Variants in SYT11 observed in about 807,000 individuals in gnomAD.
SYT11 encodes synaptotagmin-11.
SYT11 carries 12 observed loss-of-function variants against 30.4 expected under a neutral mutation model. The observed-to-expected ratio is 0.39, with a 90% CI of 0.25 to 0.64. The LOEUF (loss-of-function observed/expected upper bound fraction) is 0.64, where lower values mean the gene tolerates loss of function less well. SYT11 is among the 30% of genes least tolerant of loss of function. The pLI, the probability that SYT11 is intolerant of heterozygous loss-of-function variation, is 0.45. For synonymous variants in SYT11, 204 were observed against 216.0 expected, an observed-to-expected ratio of 0.94 and a Z score of 0.49; for missense variants, 412 against 552.0, an observed-to-expected ratio of 0.75 and a Z score of 2.54.
chr1:155,871,863 A>G (rs972181673), intron 2 of SYT11, among the ~76,000 whole-genome samples: 1 of 152,018 alleles, frequency 6.6e-6, no homozygotes, highest in African/African-American at 2.4e-5. Flanking sequence ...TCACTCATCC[A>G]CTAGGTTCCC....
chr1:155,876,232 TC>T (rs1672856151), intron 2 of SYT11, among the ~76,000 whole-genome samples: 2 of 114,622 alleles, frequency 1.7e-5, no homozygotes, highest in African/African-American at 6.0e-5. Flanking sequence ...AAAACTCACC[TC>T]CCTTTTTTTT....
chr1:155,865,628 C>CAA (rs1245542156), intron 1 of SYT11, among the ~76,000 whole-genome samples: 4 of 105,452 alleles, frequency 3.8e-5, no homozygotes, highest in Admixed American at 2.0e-4. Flanking sequence ...AACTCTGTCT[C>CAA]AAAAAAAAAA....
chr1:155,867,926 G>A (rs1229289448), intron 1 of SYT11, 39 bp from the exon 2 acceptor site: 1 of 1,509,134 alleles, frequency 6.6e-7, no homozygotes, highest in African/African-American at 1.4e-5. Context: ...AGGAGGTGAA[G>A]TCCACCCGCC....
chr1:155,876,235 C>CTTTTTTTT (rs67952920), intron 2 of SYT11, among the ~76,000 whole-genome samples: 126 of 96,118 alleles, frequency 1.3e-3, no homozygotes, highest in South Asian at 2.5e-3. Flanking sequence ...ACTCACCTCC[C>CTTTTTTTT]TTTTTTTTTT....
intron 1 of SYT11, among the ~76,000 whole-genome samples, chr1:155,863,917 CA>C (rs527788871): frequency 1.9e-3 from 250 of 133,546 alleles, no homozygotes; most frequent in Middle Eastern, 8.1e-3. Context: ...GACTCCATCT[CA>C]AAAAAAAAAA....
chr1:155,881,379 G>T lies in SYT11; in HGVS notation c.1167G>T (p.Lys389Asn). 6.2e-7 allele frequency: 1 copy of T among 1,614,136 alleles called. No homozygotes were observed. The highest frequency in any genetic ancestry group is 8.5e-7 in the Non-Finnish European group (1 of 1,180,036). ...TTATCGACTTCGATCGCACCACCAAGAATGAGGTGGTGGGGAGGCTGATCC... is the reference window on the plus strand; with the variant it reads ...TTATCGACTTCGATCGCACCACCAATAATGAGGTGGTGGGGAGGCTGATCC... ...FLVIDFDRTT[K>N]NEVVGRLILG... Residue 389 changes from lysine (K) to asparagine (N), a missense_variant, in exon 4 of 4, where the codon AAG (lysine) becomes AAT (asparagine). By Grantham distance (94) the Lys-to-Asn change is moderately conservative. Coordinates refer to ENST00000368324, the MANE Select transcript of SYT11 (RefSeq NM_152280.5).
chr1:155,884,465 A>G lies in SYT11; in HGVS notation c.*2957A>G, dbSNP rs771288836. On this transcript the variant is annotated 3_prime_UTR_variant, in exon 4 of 4. Transcript: ENST00000368324. Reference sequence around the variant, plus strand: ...GTGCAGGGCTCCTCCCTCCTACCTCAGGCCTGATCCATCGTGCCCTTGACT... The same window carrying G: ...GTGCAGGGCTCCTCCCTCCTACCTCGGGCCTGATCCATCGTGCCCTTGACT... The G allele has an allele frequency of 2.1e-4, 32 of 152,972 alleles. No individual in the cohort carries two copies. The highest frequency in any genetic ancestry group is 4.0e-4 in the Non-Finnish European group (27 of 68,078). 9.5% of individuals were successfully genotyped at this position (152,972 alleles called of 1,614,324 possible). A position where few individuals can be genotyped will look rare whatever the true frequency, so the allele number is the denominator to read the frequency against.
At chr1:155,865,778 A>G (rs1672662876) in intron 1 of SYT11, among the ~76,000 whole-genome samples, 1 of 151,884 alleles carries the variant, frequency 6.6e-6, no homozygotes. Context: ...CCTGGGCTCA[A>G]GTGATCCTCT....
At chr1:155,873,023 G>A (rs1672803635) in intron 2 of SYT11, among the ~76,000 whole-genome samples, 1 of 152,190 alleles carries the variant, frequency 6.6e-6, no homozygotes, top group African/African-American at 2.4e-5. Flanking sequence ...TGATTAGGAA[G>A]ATTTTCCTAG....
At chr1:155,880,400 C>T (rs1672941013) in intron 2 of SYT11, 100 bp from the exon 3 acceptor site, 1 of 1,450,448 alleles carries the variant, frequency 6.9e-7, no homozygotes, top group Non-Finnish European at 9.3e-7. Flanking sequence ...ATCATCCCTG[C>T]ACTTGTCCTC....
rs770682964 is a variant in SYT11, at chr1:155,868,488, G to A, written c.558G>A (p.Val186=). The change falls in exon 2 of 4, where the codon GTG becomes GTA. Residue 186 remains valine (V), a synonymous_variant. Coordinates refer to ENST00000368324, the MANE Select transcript of SYT11 (RefSeq NM_152280.5). This position sits in a 1 kb window ranked among gnomAD's most constrained non-coding sequence, Gnocchi z 4.7. The part of the protein sequence containing the change: ...VTIQEAHGLP[V]MDDQTQGSDP... ...TCCAGGAGGCCCATGGGCTGCCAGTGATGGATGACCAGACCCAGGGATCTG... is the reference window on the plus strand; with the variant it reads ...TCCAGGAGGCCCATGGGCTGCCAGTAATGGATGACCAGACCCAGGGATCTG... 4.3e-6 allele frequency: 7 copies of A among 1,614,176 alleles called. No individual in the cohort carries two copies. The Admixed American group carries it at 1.0e-4, about 23-fold the overall frequency.
At chr1:155,879,739 T>C (rs1056968812) in intron 2 of SYT11, among the ~76,000 whole-genome samples, 1 of 152,218 alleles carries the variant, frequency 6.6e-6, no homozygotes, top group African/African-American at 2.4e-5. Flanking sequence ...AGGATGCACT[T>C]CTATAGTGCG....
chr1:155,880,388 T>C (rs1417073535), intron 2 of SYT11, 112 bp from the exon 3 acceptor site: 6 of 1,325,138 alleles, frequency 4.5e-6, no homozygotes, highest in Non-Finnish European at 6.1e-6. Context: ...TCCAAAAAAC[T>C]TATCATCCCT....
chr1:155,865,265 A>G (rs910385277), intron 1 of SYT11, among the ~76,000 whole-genome samples: 3 of 152,134 alleles, frequency 2.0e-5, no homozygotes, highest in African/African-American at 7.2e-5. Context: ...GACAGGAAAT[A>G]TTTCCCTCAT....
Position 155,880,601 on chromosome 1 carries a change from G to T in SYT11, c.963G>T (p.Met321Ile). 1 of 1,613,962 alleles carries T rather than the reference G, an allele frequency of 6.2e-7. No homozygotes were observed. The highest frequency in any genetic ancestry group is 8.5e-7 in the Non-Finnish European group (1 of 1,179,920). Reference protein sequence around the residue: ...VVLKARHLPKMDITGLSGNPY... With the variant: ...VVLKARHLPKIDITGLSGNPY... ...TCAAAGCCAGACACTTGCCGAAGAT[G>T]GATATCACCGGTCTCTCAGGTAGCA... The change falls in exon 3 of 4, where the codon ATG (methionine) becomes ATT (isoleucine). Residue 321 changes from methionine (M) to isoleucine (I), a missense_variant. Physicochemically the swap from Met to Ile is conservative, Grantham distance 10. Coordinates refer to ENST00000368324, the MANE Select transcript of SYT11 (RefSeq NM_152280.5).
At chr1:155,864,627 G>A (rs1440299090) in intron 1 of SYT11, among the ~76,000 whole-genome samples, 1 of 151,088 alleles carries the variant, frequency 6.6e-6, no homozygotes, top group Non-Finnish European at 1.5e-5. Flanking sequence ...ATCAAGTGAG[G>A]TTATTGACTA....
chr1:155,863,279 T>G (rs1048518939), intron 1 of SYT11, among the ~76,000 whole-genome samples: 1 of 151,950 alleles, frequency 6.6e-6, no homozygotes, highest in Non-Finnish European at 1.5e-5. Context: ...CATAGCACCT[T>G]GTCTCTAAAA....
Position 155,860,354 on chromosome 1 carries a change from T to C in SYT11, c.34+559T>C, listed in dbSNP as rs1032990437. 1.9e-4 allele frequency among the ~76,000 whole-genome samples: 29 copies of C among 152,172 alleles called. No homozygotes were observed. Among genetic ancestry groups the C allele is most frequent in the African/African-American group, 6.5e-4 (27 of 41,438 alleles). ...AAAAGGAAGCCACTCCTTAAGCCGG[T>C]CAGCTGGATGCTGGGGCTAGGAGGA... On this transcript the variant is annotated intron_variant, in intron 1 of 3. Transcript: ENST00000368324. This position sits in a 1 kb window ranked among gnomAD's most constrained non-coding sequence, Gnocchi z 4.1.
At position 155,881,448 on chromosome 1, in the gene SYT11, A is replaced by G; in HGVS notation, c.1236A>G (p.Arg412=). The part of the protein sequence containing the change: ...SVTASGAEHW[R]EVCESPRKPV... ...CAGCCAGTGGTGCTGAACACTGGAGAGAGGTCTGCGAGAGCCCCCGCAAGC... is the reference window on the plus strand; with the variant it reads ...CAGCCAGTGGTGCTGAACACTGGAGGGAGGTCTGCGAGAGCCCCCGCAAGC... The change falls in exon 4 of 4, where the codon AGA becomes AGG. Residue 412 remains arginine, a synonymous_variant. Coordinates refer to ENST00000368324, the MANE Select transcript of SYT11 (RefSeq NM_152280.5). The G allele has an allele frequency of 6.2e-7, 1 of 1,613,636 alleles. No homozygotes were observed. Among genetic ancestry groups the G allele is most frequent in the Non-Finnish European group, 8.5e-7 (1 of 1,179,762 alleles).
Sources: allele counts gnomAD v4.1 joint callset (sites outside exome capture counted in the v4.1 genomes callset), GRCh38; gene constraint gnomAD v4.1.1; non-coding constraint Gnocchi (gnomAD v3.1); transcripts MANE v1.5; gene names NCBI Gene and HGNC (gene_info 2026-07-23, HGNC 2026-07-21).